Variants in SMS observed in about 807,000 individuals in gnomAD.
SMS encodes spermidine aminopropyltransferase.
A neutral mutation model predicts 33.0 loss-of-function variants in SMS; 3 were observed. The ratio of observed to expected loss-of-function variants is 0.09; its 90% CI spans 0.04 to 0.23. SMS has a LOEUF of 0.23. SMS is among the 10% of genes least tolerant of loss of function. The probability of loss-of-function intolerance (pLI) is 1.00; values close to 1 mark genes in which losing one functional copy is unlikely to be tolerated. For synonymous variants in SMS, 103 were observed against 112.2 expected, an observed-to-expected ratio of 0.92 and a Z score of 0.52; for missense variants, 117 against 288.6, an observed-to-expected ratio of 0.41 and a Z score of 4.31.
intron 7 of SMS, among the ~76,000 whole-genome samples, chrX:21,979,872 C>T (rs754008166): frequency 9.3e-6 from 1 of 107,335 alleles, no homozygotes; most frequent in Non-Finnish European, 1.9e-5. Context: ...TCTGTTGCTT[C>T]CTGACTTTTT....
intron 7 of SMS, among the ~76,000 whole-genome samples, chrX:21,983,515 G>T (rs779756771): frequency 9.0e-6 from 1 of 111,487 alleles, no homozygotes; most frequent in South Asian, 3.8e-4. Flanking sequence ...CAAAGATACA[G>T]CCAACCTCAA....
intron 9 of SMS, 27 bp from the exon 10 acceptor site, chrX:21,992,570 C>A (rs1387328036): frequency 2.0e-6 from 2 of 985,265 alleles, no homozygotes; most frequent in Admixed American, 2.2e-5. Flanking sequence ...CTCAAGAATC[C>A]CATTTGCTTA....
At chrX:21,961,996 T>TA (rs1231444265) in intron 1 of SMS, among the ~76,000 whole-genome samples, 2 of 112,507 alleles carry the variant, frequency 1.8e-5, no homozygotes, top group Non-Finnish European at 3.7e-5. Flanking sequence ...TGTGGACACT[T>TA]ACGACCTTGC....
chrX:21,949,890 T>A (rs1381707069), intron 1 of SMS, among the ~76,000 whole-genome samples: 2 of 110,819 alleles, frequency 1.8e-5, no homozygotes, highest in African/African-American at 6.6e-5. Context: ...AAAATGCTGA[T>A]TCGGGATTTC....
chrX:21,968,133 A>G (rs904216013), intron 2 of SMS, among the ~76,000 whole-genome samples: 19 of 112,194 alleles, frequency 1.7e-4, no homozygotes, highest in African/African-American at 4.9e-4. Context: ...AGCTCGAAGT[A>G]GGGTGGGTGC....
intron 1 of SMS, among the ~76,000 whole-genome samples, chrX:21,966,466 G>A (rs1372695318): frequency 9.0e-6 from 1 of 111,623 alleles, no homozygotes; most frequent in Non-Finnish European, 1.9e-5. Flanking sequence ...ACCTGCGGAG[G>A]TTAATGTACT....
intron 10 of SMS, among the ~76,000 whole-genome samples, chrX:21,993,750 C>G (rs1325682332): frequency 8.9e-6 from 1 of 112,358 alleles, no homozygotes; most frequent in Non-Finnish European, 1.9e-5. Context: ...TTTAGGGTTC[C>G]CCTCAGCATT....
At chrX:21,984,233 C>G (rs1925170737) in intron 7 of SMS, 71 bp from the exon 8 acceptor site, 2 of 710,829 alleles carry the variant, frequency 2.8e-6, no homozygotes, top group Non-Finnish European at 4.6e-6. Context: ...TTCCTCCTTC[C>G]TTTACTATTG....
intron 1 of SMS, among the ~76,000 whole-genome samples, chrX:21,956,737 G>A (rs911515626): frequency 3.6e-5 from 4 of 111,694 alleles, no homozygotes; most frequent in African/African-American, 9.8e-5. Context: ...TAAAGTGCTG[G>A]GATTACAGGT....
chrX:21,968,344 C>T (rs1227570042), intron 2 of SMS, among the ~76,000 whole-genome samples: 3 of 112,611 alleles, frequency 2.7e-5, no homozygotes, highest in Non-Finnish European at 3.8e-5. Context: ...ACGAAACACT[C>T]GTGCATTTCC....
Position 21,965,660 on chromosome X carries a change from A to G in SMS, c.50-1536A>G, listed in dbSNP as rs780354085. Among the ~76,000 whole-genome samples, 3 of 106,699 alleles carry G rather than the reference A, an allele frequency of 2.8e-5. No homozygotes were observed. The East Asian group carries it at 8.7e-4, about 31-fold the overall frequency. The allele number at this position is 106,699 out of a possible 115,157, so 92.7% of individuals were successfully genotyped here. ...CTACTCGGGAGGCTGAGGCAGGAGA[A>G]TGGTGTGAACCTGGAAGGCGGAGCT... On this transcript the variant is annotated intron_variant, in intron 1 of 10. Transcript: ENST00000404933.
chrX:21,948,439 C>CTTTTTTTTTTTTT (rs59082770), intron 1 of SMS, among the ~76,000 whole-genome samples: 5,090 of 79,551 alleles, frequency 0.064, 309 homozygotes, highest in East Asian at 0.095. Flanking sequence ...GTCAATGTGT[C>CTTTTTTTTTTTTT]TTTTTTTTTT....
intron 7 of SMS, among the ~76,000 whole-genome samples, chrX:21,982,773 T>C (rs1037465327): frequency 1.8e-5 from 2 of 112,624 alleles, no homozygotes; most frequent in African/African-American, 6.4e-5. Flanking sequence ...CATTTGTGTT[T>C]GTGTGCAAGT....
chrX:21,994,509 T>C lies in SMS; in HGVS notation c.*158T>C. Reference sequence around the variant, plus strand: ...AATTTAAAAAAGCAAATGGAAAATGTATATTTTGATGAGCTTAGGGTGTTT... The same window carrying C: ...AATTTAAAAAAGCAAATGGAAAATGCATATTTTGATGAGCTTAGGGTGTTT... On this transcript the variant is annotated 3_prime_UTR_variant, in exon 11 of 11. Transcript: ENST00000404933. The C allele has an allele frequency of 9.3e-7, 1 of 1,076,806 alleles. No individual in the cohort carries two copies. The highest frequency in any genetic ancestry group is 1.2e-6 in the Non-Finnish European group (1 of 833,229). 88.7% of individuals were successfully genotyped at this position (1,076,806 alleles called of 1,213,427 possible).
At chrX:21,946,822 TTTGGATGAC>T (rs1371549029) in intron 1 of SMS, among the ~76,000 whole-genome samples, 2 of 112,252 alleles carry the variant, frequency 1.8e-5, no homozygotes, top group Non-Finnish European at 1.9e-5. Context: ...ATTTCAGTAA[TTTGGATGAC>T]AGATCATCAG....
chrX:21,992,797 T>C, intron 10 of SMS, 85 bp downstream of exon 10: 1 of 547,544 alleles, frequency 1.8e-6, no homozygotes, highest in Non-Finnish European at 3.2e-6. Flanking sequence ...ATCACAATAA[T>C]AAACAATTAG....
chrX:21,978,111 A>G lies in SMS; in HGVS notation c.657A>G (p.Val219=), dbSNP rs750883832. 7 of 1,203,946 alleles carry G rather than the reference A, an allele frequency of 5.8e-6. No homozygotes were observed. In the Admixed American group the frequency reaches 8.7e-5, roughly 15 times the overall value. ...VKLKPKMVTM[V]EIDQMVIDGC... ...TAAAACCAAAGATGGTCACTATGGT[A>G]GAGATATCCTTTGTTGTATAAGAGA... The change falls in exon 6 of 11, where the codon GTA becomes GTG. Residue 219 remains valine, a synonymous_variant. Coordinates refer to ENST00000404933, the MANE Select transcript of SMS (RefSeq NM_004595.5).
intron 1 of SMS, among the ~76,000 whole-genome samples, chrX:21,961,214 A>G (rs1255374111): frequency 9.2e-6 from 1 of 108,795 alleles, no homozygotes; most frequent in Admixed American, 9.9e-5. Context: ...ACTGATGTTG[A>G]TTCTGGGTTC....
At chrX:21,966,853 C>T (rs1165205431) in intron 1 of SMS, among the ~76,000 whole-genome samples, 1 of 110,572 alleles carries the variant, frequency 9.0e-6, no homozygotes, top group East Asian at 2.8e-4. Context: ...TTAATTTCTG[C>T]TTAGGGTGAA....
Sources: gnomAD v4.1 joint callset for allele counts (sites outside exome capture counted in the v4.1 genomes callset) on GRCh38, gnomAD v4.1.1 for gene constraint, MANE v1.5 for transcripts, NCBI Gene and HGNC (gene_info 2026-07-23, HGNC 2026-07-21) for gene names.